The following TMEM178B variants were observed in gnomAD, a reference collection of about 807,000 sequenced individuals.
TMEM178B encodes transmembrane protein 178B.
A neutral mutation model predicts 31.0 loss-of-function variants in TMEM178B; 5 were observed. That is an observed-to-expected ratio of 0.16 (90% CI 0.08 to 0.34). TMEM178B has a LOEUF of 0.34. TMEM178B is among the 10% of genes least tolerant of loss of function. The probability of loss-of-function intolerance (pLI) is 1.00; values close to 1 mark genes in which losing one functional copy is unlikely to be tolerated. For synonymous variants in TMEM178B, 164 were observed against 164.0 expected (o/e 1.00, Z 0.00); for missense variants, 275 against 400.3 (o/e 0.69, Z 2.67).
At chr7:141,257,267 G>C (rs891208976) in intron 2 of TMEM178B, among the ~76,000 whole-genome samples, 1 of 152,230 alleles carries the variant, frequency 6.6e-6, no homozygotes, top group African/African-American at 2.4e-5. Flanking sequence ...CTAGCTGGTT[G>C]TTGGTGATCC....
intron 2 of TMEM178B, among the ~76,000 whole-genome samples, chr7:141,332,829 A>T (rs1799319990): frequency 6.6e-6 from 1 of 152,232 alleles, no homozygotes; most frequent in Admixed American, 6.5e-5. Context: ...TGCAAATTAA[A>T]TTCCAGACTC....
chr7:141,253,579 T>C lies in TMEM178B; in HGVS notation c.496+40875T>C, dbSNP rs992318465. ...TTTTTTTTTTTTTTGAGATGGAGTT[T>C]CACTCTTGTTGCCCAAGCTGGACTG... On this transcript the variant is annotated intron_variant, in intron 2 of 3. Transcript: ENST00000565468. Among the ~76,000 whole-genome samples, 12 of 148,792 alleles carry C rather than the reference T, an allele frequency of 8.1e-5. No individual in the cohort carries two copies. In the South Asian group the frequency reaches 2.4e-3, roughly 30 times the overall value.
At chr7:141,405,365 A>G (rs537913185) in intron 2 of TMEM178B, among the ~76,000 whole-genome samples, 1 of 152,346 alleles carries the variant, frequency 6.6e-6, no homozygotes, top group African/African-American at 2.4e-5. Flanking sequence ...AGGGGACCTC[A>G]CCATCATGGA....
chr7:141,280,172 C>T (rs1232907655), intron 2 of TMEM178B, among the ~76,000 whole-genome samples: 1 of 152,188 alleles, frequency 6.6e-6, no homozygotes, highest in Non-Finnish European at 1.5e-5. Context: ...GGTGGACTCC[C>T]TGCTGGCTTA....
intron 1 of TMEM178B, among the ~76,000 whole-genome samples, chr7:141,119,192 G>A (rs1428804712): frequency 6.6e-6 from 1 of 152,192 alleles, no homozygotes; most frequent in Non-Finnish European, 1.5e-5. Flanking sequence ...AATGGTTCAG[G>A]TTACTCAGCC....
intron 2 of TMEM178B, among the ~76,000 whole-genome samples, chr7:141,388,072 G>A (rs765719347): frequency 1.6e-4 from 24 of 152,212 alleles, no homozygotes; most frequent in Admixed American, 5.2e-4. Flanking sequence ...GGTTGTGACC[G>A]CAGATGACAT....
rs888449235 is a variant in TMEM178B at position 141,461,138 on chromosome 7, C to T, written c.635-9398C>T. Among the ~76,000 whole-genome samples the T allele has an allele frequency of 1.3e-5, 2 of 152,134 alleles. No homozygotes were observed. The highest frequency in any genetic ancestry group is 6.5e-5 in the Admixed American group (1 of 15,274). On this transcript the variant is annotated intron_variant, in intron 3 of 3. Coordinates refer to ENST00000565468, the MANE Select transcript of TMEM178B (RefSeq NM_001195278.2). This position sits in a 1 kb window ranked among gnomAD's most constrained non-coding sequence, Gnocchi z 4.0. ...GGAGGAGGCCCTCTCCTTCTGTTTG[C>T]TGATTTGGTTCTTGTTGGTTTTAAA...
intron 2 of TMEM178B, among the ~76,000 whole-genome samples, chr7:141,248,942 A>G (rs1168652470): frequency 6.6e-6 from 1 of 152,236 alleles, no homozygotes; most frequent in Middle Eastern, 3.2e-3. Flanking sequence ...TAGCCGGTGT[A>G]TGGACTATAT....
intron 2 of TMEM178B, among the ~76,000 whole-genome samples, chr7:141,281,869 A>G (rs932094861): frequency 1.3e-5 from 2 of 152,208 alleles, no homozygotes; most frequent in Admixed American, 6.5e-5. Flanking sequence ...GGCCCAGTCA[A>G]GAGTGGATTT....
chr7:141,460,288 G>A (rs143334908), intron 3 of TMEM178B, among the ~76,000 whole-genome samples: 31 of 152,178 alleles, frequency 2.0e-4, no homozygotes, highest in Middle Eastern at 3.4e-3. Context: ...CTCCCTCTTC[G>A]GCCTCTGCAC....
chr7:141,453,939 C>T (rs1801914062), intron 3 of TMEM178B, among the ~76,000 whole-genome samples: 2 of 148,288 alleles, frequency 1.3e-5, no homozygotes, highest in Admixed American at 6.7e-5. Context: ...AAAGCTTAAG[C>T]AGCTTTACAT....
chr7:141,091,466 T>G (rs1794879028), intron 1 of TMEM178B, among the ~76,000 whole-genome samples: 1 of 152,264 alleles, frequency 6.6e-6, no homozygotes, highest in South Asian at 2.1e-4. Flanking sequence ...GAAGGACATT[T>G]GTGCTCCTCT....
At chr7:141,464,501 C>T (rs930630249) in intron 3 of TMEM178B, among the ~76,000 whole-genome samples, 2 of 152,096 alleles carry the variant, frequency 1.3e-5, no homozygotes, top group African/African-American at 2.4e-5. Context: ...CATTTATGCA[C>T]GTCTCATATC....
intron 1 of TMEM178B, among the ~76,000 whole-genome samples, chr7:141,202,229 T>C (rs562410789): frequency 6.6e-6 from 1 of 152,186 alleles, no homozygotes; most frequent in East Asian, 1.9e-4. Context: ...ACCACAAAGG[T>C]GAAAAACACA....
the TMEM178B span, among the ~76,000 whole-genome samples, chr7:141,490,205 G>A: frequency 6.6e-6 from 1 of 152,150 alleles, no homozygotes; most frequent in Non-Finnish European, 1.5e-5. Context: ...AAACAGTGCT[G>A]GTATTACTAT....
chr7:141,413,092 G>A (rs1200349811), intron 2 of TMEM178B, among the ~76,000 whole-genome samples: 4 of 152,086 alleles, frequency 2.6e-5, no homozygotes, highest in Non-Finnish European at 4.4e-5. Flanking sequence ...GCGTTGGTCC[G>A]CCAACCATGA....
In TMEM178B at chr7:141,159,374, CT is replaced by C. The variant is rs1586801437; in HGVS notation, c.383-53216del. Reference sequence around the variant, plus strand: ...TAGTTTAAAATCCCAGCTCCTCGCTCTGGAAAACAGTATGGTAGCTCCCCCA... The same window carrying C: ...TAGTTTAAAATCCCAGCTCCTCGCTCGGAAAACAGTATGGTAGCTCCCCCA... On this transcript the variant is annotated intron_variant, in intron 1 of 3. Transcript: ENST00000565468. Among the ~76,000 whole-genome samples the C allele has an allele frequency of 2.6e-5, 4 of 152,318 alleles. No individual in the cohort carries two copies. In the East Asian group the frequency reaches 7.7e-4, roughly 29 times the overall value.
chr7:141,350,295 C>G (rs1380993245), intron 2 of TMEM178B, among the ~76,000 whole-genome samples: 1 of 151,958 alleles, frequency 6.6e-6, no homozygotes, highest in East Asian at 1.9e-4. Flanking sequence ...CTCTCCATGC[C>G]TTTCTAATCC....
intron 1 of TMEM178B, among the ~76,000 whole-genome samples, chr7:141,097,792 T>C (rs1563086811): frequency 7.4e-6 from 1 of 134,308 alleles, no homozygotes; most frequent in Non-Finnish European, 1.5e-5. Flanking sequence ...TTTCTTTCTT[T>C]CTTTTTTTTT....
Sources: allele counts gnomAD v4.1 joint callset (sites outside exome capture counted in the v4.1 genomes callset), GRCh38; gene constraint gnomAD v4.1.1; non-coding constraint Gnocchi (gnomAD v3.1); transcripts MANE v1.5; gene names NCBI Gene and HGNC (gene_info 2026-07-23, HGNC 2026-07-21).